The following ARHGEF2 variants were observed in gnomAD, a reference collection of about 807,000 sequenced individuals.
The protein encoded by ARHGEF2 is rho guanine nucleotide exchange factor 2.
A neutral mutation model predicts 121.0 loss-of-function variants in ARHGEF2; 22 were observed. The ratio of observed to expected loss-of-function variants is 0.18; its 90% CI spans 0.13 to 0.26. ARHGEF2 has a LOEUF of 0.26. Among genes scored for constraint, ARHGEF2 ranks in the 10% least tolerant of loss-of-function variants. ARHGEF2 has a pLI of 1.00. For synonymous variants in ARHGEF2, 487 were observed against 530.0 expected (o/e 0.92, Z 1.11); for missense variants, 907 against 1,336.0 (o/e 0.68, Z 5.01).
intron 1 of ARHGEF2, chr1:155,970,692 G>C: frequency 1.0e-6 from 1 of 986,056 alleles, no homozygotes; most frequent in Non-Finnish European, 1.2e-6. Context: ...AGAGGTGGAG[G>C]AGGGGAAGAG....
rs376274051 is a variant in ARHGEF2, at chr1:155,954,988, G to C, written c.1716-19C>G. On this transcript the variant is annotated intron_variant, in intron 13 of 21. Transcript: ENST00000361247. The stretch of plus-strand genomic sequence containing the variant: ...TGGGCATCTGGAGGGGTAACAGGTC[G>C]CATGCCATTGAGAGACAGAAGCTAG... The C allele has an allele frequency of 8.7e-6, 14 of 1,605,034 alleles. No individual in the cohort carries two copies. The highest frequency in any genetic ancestry group is 1.3e-5 in the African/African-American group (1 of 74,672).
Position 155,948,009 on chromosome 1 carries a change from G to C in ARHGEF2, c.2894C>G (p.Thr965Ser). Reference sequence around the variant, plus strand: ...CTCCTCCGGGATGTCCTGCATTCTGGTAAAGTCTGAAGGGGGACAGGACAA... The same window carrying C: ...CTCCTCCGGGATGTCCTGCATTCTGCTAAAGTCTGAAGGGGGACAGGACAA... ...LSPPHSPRDF[T>S]RMQDIPEETE... Residue 965 changes from threonine to serine, a missense_variant, in exon 22 of 22, where the codon ACC (threonine) becomes AGC (serine). By Grantham distance (58) the Thr-to-Ser change is moderately conservative. Coordinates refer to ENST00000361247, the MANE Select transcript of ARHGEF2 (RefSeq NM_001162383.2). 6.4e-7 allele frequency: 1 copy of C among 1,551,228 alleles called. No individual in the cohort carries two copies. Among genetic ancestry groups the C allele is most frequent in the South Asian group, 1.2e-5 (1 of 84,000 alleles).
rs1675122354 is a variant in ARHGEF2, at chr1:155,950,190, G to C, written c.2887+109C>G. On this transcript the variant is annotated intron_variant, in intron 21 of 21. Transcript: ENST00000361247. This position sits in a 1 kb window ranked among gnomAD's most constrained non-coding sequence, Gnocchi z 5.2. ...ACAAAACAGGAAGTCCCTCCCTAGA[G>C]TTACTACAAGCCTCACAGGTCAGTT... 4 of 1,352,334 alleles carry C rather than the reference G, an allele frequency of 3.0e-6. No individual in the cohort carries two copies. Among genetic ancestry groups the C allele is most frequent in the Non-Finnish European group, 4.0e-6 (4 of 988,524 alleles). The allele number at this position is 1,352,334 out of a possible 1,614,324, so 83.8% of individuals were successfully genotyped here.
In ARHGEF2 at chr1:155,950,936, T is replaced by C; in HGVS notation, c.2596A>G (p.Thr866Ala). 6.2e-7 allele frequency: 1 copy of C among 1,605,820 alleles called. No homozygotes were observed. The highest frequency in any genetic ancestry group is 8.5e-7 in the Non-Finnish European group (1 of 1,175,706). Reference protein sequence around the residue: ...ARRQLAALGQTEPLPAEAPWA... With the variant: ...ARRQLAALGQAEPLPAEAPWA... ...GGGGCCTCAGCTGGGAGTGGCTCGG[T>C]CTGGCCCAGGGCGGCCAGCTGCCTT... The change falls in exon 20 of 22, where the codon ACC becomes GCC. Residue 866 changes from threonine to alanine, a missense_variant. Physicochemically the swap from Thr to Ala is moderately conservative, Grantham distance 58. This residue lies in a region of ARHGEF2 where 432 missense variants were observed against 559.5 expected (regional missense o/e 0.77). Coordinates refer to ENST00000361247, the MANE Select transcript of ARHGEF2 (RefSeq NM_001162383.2). This position sits in a 1 kb window ranked among gnomAD's most constrained non-coding sequence, Gnocchi z 5.2.
In ARHGEF2 at chr1:155,947,890, C is replaced by G; in HGVS notation, c.*52G>C. ...GGCAAATTGGAGTCCCCAAGGTTAG[C>G]CCCCTCAGTAATGTTCTTCAGTGGG... On this transcript the variant is annotated 3_prime_UTR_variant, in exon 22 of 22. Transcript: ENST00000361247. The G allele has an allele frequency of 1.7e-6, 2 of 1,151,822 alleles. No homozygotes were observed. The highest frequency in any genetic ancestry group is 1.4e-5 in the South Asian group (1 of 71,692). 71.4% of individuals were successfully genotyped at this position (1,151,822 alleles called of 1,614,324 possible).
chr1:155,948,099 C>G (rs936782691), intron 21 of ARHGEF2, 84 bp from the exon 22 acceptor site: 1 of 1,096,824 alleles, frequency 9.1e-7, no homozygotes, highest in Admixed American at 2.3e-5. Flanking sequence ...TCCCCATCTG[C>G]AGGCTCAGGG....
chr1:155,955,343 T>TCA (rs1288947120), intron 13 of ARHGEF2, among the ~76,000 whole-genome samples: 1 of 152,020 alleles, frequency 6.6e-6, no homozygotes, highest in Non-Finnish European at 1.5e-5. Flanking sequence ...CAGGCTGGTC[T>TCA]CAAACTCCTG....
chr1:155,963,267 C>T (rs778995958), intron 7 of ARHGEF2, 84 bp from the exon 8 acceptor site: 107 of 1,404,838 alleles, frequency 7.6e-5, no homozygotes, highest in Admixed American at 3.0e-4. Context: ...TCACAGTTCA[C>T]GTGAGGTTTT....
chr1:155,970,111 C>G (rs973153861), intron 1 of ARHGEF2: 7 of 985,452 alleles, frequency 7.1e-6, no homozygotes, highest in Non-Finnish European at 8.4e-6. Flanking sequence ...ATACTACTTT[C>G]CAGAGTTAAA....
chr1:155,973,363 A>G (rs1169659256), intron 1 of ARHGEF2, among the ~76,000 whole-genome samples: 2 of 152,160 alleles, frequency 1.3e-5, no homozygotes, highest in Non-Finnish European at 2.9e-5. Context: ...CTTTGAGTTT[A>G]GACCCTGAGG....
chr1:155,964,160 AAAAAAAAAT>A (rs1678655694), intron 7 of ARHGEF2, among the ~76,000 whole-genome samples: 1 of 95,112 alleles, frequency 1.1e-5, no homozygotes, highest in African/African-American at 5.2e-5. Flanking sequence ...AAAAAAAAAA[AAAAAAAAAT>A]ATATATATAT....
chr1:155,972,196 A>G (rs373412975), intron 1 of ARHGEF2: 10 of 456,320 alleles, frequency 2.2e-5, no homozygotes, highest in East Asian at 2.1e-4. Flanking sequence ...TCTGGCATCA[A>G]TGCTCCACAG....
rs1004614284 is a variant in ARHGEF2 at position 155,970,808 on chromosome 1, G to T, written c.64-1508C>A. On this transcript the variant is annotated intron_variant, in intron 1 of 21. Coordinates refer to ENST00000361247, the MANE Select transcript of ARHGEF2 (RefSeq NM_001162383.2). ...CAGAGGGCATGGGGCTGCAGTGCCTGGGCCCAAGATCCTTCTCTTTCCTGC... is the reference window on the plus strand; with the variant it reads ...CAGAGGGCATGGGGCTGCAGTGCCTTGGCCCAAGATCCTTCTCTTTCCTGC... The T allele has an allele frequency of 7.1e-6, 7 of 986,016 alleles. No homozygotes were observed. In the South Asian group the frequency reaches 3.3e-4, roughly 46 times the overall value. The allele number at this position is 986,016 out of a possible 1,614,324, so 61.1% of individuals were successfully genotyped here. A position where few individuals can be genotyped will look rare whatever the true frequency, so the allele number is the denominator to read the frequency against.
chr1:155,964,447 G>T (rs960645507), intron 7 of ARHGEF2, among the ~76,000 whole-genome samples: 1 of 151,766 alleles, frequency 6.6e-6, no homozygotes, highest in Non-Finnish European at 1.5e-5. Context: ...CTCCAGCACG[G>T]TGTTAAGCGT....
intron 3 of ARHGEF2, 28 bp downstream of exon 3, chr1:155,966,792 C>A (rs1679477295): frequency 6.3e-7 from 1 of 1,586,476 alleles, no homozygotes; most frequent in South Asian, 1.1e-5. Context: ...CCCTCTCCCC[C>A]AGCCCTCTGC....
rs1203846074 is a variant in ARHGEF2 at position 155,978,377 on chromosome 1, C to T, written c.51G>A (p.Glu17=). 6.6e-7 allele frequency: 1 copy of T among 1,516,494 alleles called. No homozygotes were observed. The highest frequency in any genetic ancestry group is 2.6e-5 in the East Asian group (1 of 39,124). The allele number at this position is 1,516,494 out of a possible 1,614,324, so 93.9% of individuals were successfully genotyped here. ...TTTCCGAGCCCACCTTGCTCGCCAG[C>T]TCTCTGCTCCGGTCGATCCGCGCCC... ...LTRARIDRSR[E]LASKTREKEK... The change falls in exon 1 of 22, where the codon GAG becomes GAA. Residue 17 remains glutamate (E), a synonymous_variant. Coordinates refer to ENST00000361247, the MANE Select transcript of ARHGEF2 (RefSeq NM_001162383.2). The surrounding 1 kb of genome is among the most constrained non-coding windows in gnomAD (Gnocchi z 4.1).
intron 21 of ARHGEF2, among the ~76,000 whole-genome samples, chr1:155,948,958 T>A (rs539006082): frequency 6.6e-6 from 1 of 152,046 alleles, no homozygotes; most frequent in African/African-American, 2.4e-5. Flanking sequence ...ATTAAAAAAA[T>A]TTTGGGGGAC....
At position 155,961,980 on chromosome 1, in the gene ARHGEF2, G is replaced by T; in HGVS notation, c.1220-71C>A. On this transcript the variant is annotated intron_variant, in intron 10 of 21. Coordinates refer to ENST00000361247, the MANE Select transcript of ARHGEF2 (RefSeq NM_001162383.2). The surrounding 1 kb of genome is among the most constrained non-coding windows in gnomAD (Gnocchi z 4.7). ...CACACCCCAGTTCCCATCGTGTCTTGATTCCACCTTTAGAGGCTGCCCAGG... is the reference window on the plus strand; with the variant it reads ...CACACCCCAGTTCCCATCGTGTCTTTATTCCACCTTTAGAGGCTGCCCAGG... The T allele has an allele frequency of 6.2e-7, 1 of 1,604,924 alleles. No individual in the cohort carries two copies.
Position 155,961,725 on chromosome 1 carries a change from A to C in ARHGEF2, c.1404T>G (p.Leu468=), listed in dbSNP as rs769219243. The change falls in exon 11 of 22, where the codon CTT becomes CTG. Residue 468 remains leucine (L), a synonymous_variant. Coordinates refer to ENST00000361247, the MANE Select transcript of ARHGEF2 (RefSeq NM_001162383.2). This position sits in a 1 kb window ranked among gnomAD's most constrained non-coding sequence, Gnocchi z 4.7. ...CATCGTGGATGAGTTTGCGCCTCAG[A>C]AGTTCCTCTCGGCCAAAGGGGCCCT... is the stretch of plus-strand genomic sequence containing the variant. ...PGKGPFGREE[L]LRRKLIHDGC... 1.2e-6 allele frequency: 2 copies of C among 1,614,174 alleles called. No homozygotes were observed. The highest frequency in any genetic ancestry group is 1.7e-6 in the Non-Finnish European group (2 of 1,180,030).
Sources: allele counts gnomAD v4.1 joint callset (sites outside exome capture counted in the v4.1 genomes callset), GRCh38; gene constraint gnomAD v4.1.1; regional missense constraint gnomAD v4.1.1; non-coding constraint Gnocchi (gnomAD v3.1); transcripts MANE v1.5; gene names NCBI Gene and HGNC (gene_info 2026-07-23, HGNC 2026-07-21).